Variants in RYR3 observed in about 807,000 individuals in gnomAD.
The protein encoded by RYR3 is brain ryanodine receptor-calcium release channel.
In RYR3, 207 loss-of-function variants were observed where a neutral mutation model predicts 584.3. The observed-to-expected ratio is 0.35, with a 90% CI of 0.32 to 0.40. The LOEUF is 0.40. Among genes scored for constraint, RYR3 ranks in the 10% least tolerant of loss-of-function variants. RYR3 has a pLI of 1.00. For synonymous variants in RYR3, 2,416 were observed against 2,248.5 expected, an observed-to-expected ratio of 1.07 and a Z score of -2.11; for missense variants, 5,616 against 6,089.2, an observed-to-expected ratio of 0.92 and a Z score of 2.59.
At chr15:33,545,951 C>T (rs1210006786) in intron 8 of RYR3, among the ~76,000 whole-genome samples, 1 of 152,166 alleles carries the variant, frequency 6.6e-6, no homozygotes, top group Admixed American at 6.5e-5. Flanking sequence ...GAGCTCTGAT[C>T]CTTGGCTTTG....
intron 43 of RYR3, among the ~76,000 whole-genome samples, chr15:33,711,514 A>G (rs1362935775): frequency 6.6e-6 from 1 of 152,092 alleles, no homozygotes; most frequent in African/African-American, 2.4e-5. Context: ...AAGTGCTGGG[A>G]TTATAGGCAT....
Position 33,311,693 on chromosome 15 carries a change from G to C in RYR3, c.51+597G>C, listed in dbSNP as rs529053178. ...GTTAAGCCCCACGCCGGCAACTGCT[G>C]CTGGAGCCTGACTTGACTGACTGCC... is the stretch of plus-strand genomic sequence containing the variant. On this transcript the variant is annotated intron_variant, in intron 1 of 103. Transcript: ENST00000634891. The surrounding 1 kb of genome is among the most constrained non-coding windows in gnomAD (Gnocchi z 4.4). Among the ~76,000 whole-genome samples, 1 of 152,352 alleles carries C rather than the reference G, an allele frequency of 6.6e-6. No individual in the cohort carries two copies. Among genetic ancestry groups the C allele is most frequent in the Admixed American group, 6.5e-5 (1 of 15,302 alleles).
chr15:33,600,869 T>C (rs139273895), intron 16 of RYR3, among the ~76,000 whole-genome samples: 135 of 152,274 alleles, frequency 8.9e-4, no homozygotes, highest in Non-Finnish European at 1.1e-3. Context: ...AGACCTGTAA[T>C]ATTTTATTTA....
chr15:33,341,043 T>G (rs1160325129), intron 1 of RYR3, among the ~76,000 whole-genome samples: 1 of 151,882 alleles, frequency 6.6e-6, no homozygotes, highest in Non-Finnish European at 1.5e-5. Flanking sequence ...GTGGACTTTG[T>G]TTTGTTTTGT....
chr15:33,796,958 C>A (rs565303134), intron 67 of RYR3, among the ~76,000 whole-genome samples: 1 of 152,238 alleles, frequency 6.6e-6, no homozygotes, highest in Admixed American at 6.5e-5. Context: ...TCTTTTATAG[C>A]AACGTGCATG....
chr15:33,550,097 A>G, intron 9 of RYR3, 63 bp from the exon 10 acceptor site: 1 of 1,528,648 alleles, frequency 6.5e-7, no homozygotes, highest in Non-Finnish European at 8.9e-7. Context: ...AAAGCATAGG[A>G]TAAATACTGA....
intron 38 of RYR3, among the ~76,000 whole-genome samples, chr15:33,682,080 A>G (rs1056395463): frequency 1.3e-5 from 2 of 152,222 alleles, no homozygotes; most frequent in African/African-American, 4.8e-5. Context: ...TTGGCATTGC[A>G]AAGCTGGTTA....
chr15:33,708,201 A>C (rs1446400162), intron 43 of RYR3, among the ~76,000 whole-genome samples: 1 of 152,256 alleles, frequency 6.6e-6, no homozygotes, highest in Non-Finnish European at 1.5e-5. Context: ...GTCCAGAATT[A>C]ACACGGAGTT....
intron 19 of RYR3, among the ~76,000 whole-genome samples, chr15:33,619,929 T>C (rs147863938): frequency 6.8e-4 from 104 of 152,298 alleles, no homozygotes; most frequent in African/African-American, 2.4e-3. Context: ...GTAGTTTTCT[T>C]AGCCTCAGGC....
intron 62 of RYR3, among the ~76,000 whole-genome samples, chr15:33,770,223 C>G (rs1387229859): frequency 6.6e-6 from 1 of 151,690 alleles, no homozygotes; most frequent in Non-Finnish European, 1.5e-5. Flanking sequence ...GAGTGGGACA[C>G]TAAAAGAGCG....
chr15:33,339,684 T>G (rs1485533785), intron 1 of RYR3, among the ~76,000 whole-genome samples: 2 of 152,006 alleles, frequency 1.3e-5, no homozygotes, highest in African/African-American at 4.8e-5. Flanking sequence ...GGTCAGGAGA[T>G]CCAGACCATC....
chr15:33,395,638 G>A (rs1295597182), intron 1 of RYR3, among the ~76,000 whole-genome samples: 1 of 152,170 alleles, frequency 6.6e-6, no homozygotes, highest in Non-Finnish European at 1.5e-5. Context: ...CTTCCACTGT[G>A]CCTGGAGCCC....
intron 32 of RYR3, among the ~76,000 whole-genome samples, chr15:33,656,892 C>A (rs1027745164): frequency 2.7e-5 from 4 of 147,460 alleles, no homozygotes; most frequent in Non-Finnish European, 6.1e-5. Context: ...CCTTTAGAAG[C>A]CTCATGCAAT....
chr15:33,757,639 T>A lies in RYR3; in HGVS notation c.8705+43T>A, dbSNP rs751115667. The A allele has an allele frequency of 9.4e-6, 15 of 1,591,150 alleles. No homozygotes were observed. The Admixed American group carries it at 2.5e-4, about 26-fold the overall frequency. On this transcript the variant is annotated intron_variant, in intron 60 of 103. Transcript: ENST00000634891. The stretch of plus-strand genomic sequence containing the variant: ...AGGGAAGGTGATGGTGCTGATGCAA[T>A]TTACTTAAAATGCCAGGTCCCTGTG...
rs1294930280 is a variant in RYR3, at chr15:33,630,031, C to T, written c.2771C>T (p.Thr924Ile). Reference protein sequence around the residue: ...TEKNYNLQMSTETLKTLLALG... With the variant: ...TEKNYNLQMSIETLKTLLALG... ...AAGAACTATAACCTGCAAATGTCAA[C>T]TGAAACCTTAAAGTGAGTATTTAAT... is the stretch of plus-strand genomic sequence containing the variant. The change falls in exon 22 of 104, where the codon ACT becomes ATT. Residue 924 changes from threonine (T) to isoleucine (I), a missense_variant. Around this residue, in one of 9 missense-constraint regions of RYR3, gnomAD observed 1,284 missense variants for 1,344.6 expected, o/e 0.95. Transcript: ENST00000634891. 1.9e-6 allele frequency: 3 copies of T among 1,587,814 alleles called. No homozygotes were observed. Among genetic ancestry groups the T allele is most frequent in the African/African-American group, 1.3e-5 (1 of 74,466 alleles).
chr15:33,566,670 G>A lies in RYR3; in HGVS notation c.1147-8G>A. The A allele has an allele frequency of 1.2e-6, 2 of 1,613,610 alleles. No individual in the cohort carries two copies. The highest frequency in any genetic ancestry group is 8.5e-7 in the Non-Finnish European group (1 of 1,179,596). ...ACCTAGAGCTCCCGTCCCTTGCCCT[G>A]TGGGTAGGTCATACTCCATCAGGAA... On this transcript the variant is annotated splice_region_variant and splice_polypyrimidine_tract_variant and intron_variant, in intron 11 of 103. Transcript: ENST00000634891.
intron 2 of RYR3, among the ~76,000 whole-genome samples, chr15:33,488,722 C>T (rs530934080): frequency 2.1e-4 from 32 of 152,160 alleles, no homozygotes; most frequent in Non-Finnish European, 4.7e-4. Flanking sequence ...CATGGTGACA[C>T]GTGCCTATAG....
In RYR3 at chr15:33,825,604, G is replaced by A. The variant is rs1385505896; in HGVS notation, c.11074G>A (p.Val3692Ile). Residue 3692 changes from valine to isoleucine, a missense_variant and splice_region_variant, in exon 82 of 104, where the codon GTC (valine) becomes ATC (isoleucine). Val to Ile is a conservative substitution (Grantham distance 29, BLOSUM62 3). Transcript: ENST00000634891. Reference sequence around the variant, plus strand: ...TTGTTTCTTTCTGTCTATTAAAAGTGTCCTTGATTTGAATGCATTTGAGAG... The same window carrying A: ...TTGTTTCTTTCTGTCTATTAAAAGTATCCTTGATTTGAATGCATTTGAGAG... ...SLSGLMQSCS[V>I]LDLNAFERQN... is the part of the protein sequence containing the mutation. The A allele has an allele frequency of 1.2e-6, 2 of 1,608,548 alleles. No homozygotes were observed. The highest frequency in any genetic ancestry group is 3.3e-5 in the Admixed American group (2 of 59,742).
In RYR3 at chr15:33,630,143, C is replaced by T. The variant is rs889632354; in HGVS notation, c.2783+100C>T. 3 of 643,626 alleles carry T rather than the reference C, an allele frequency of 4.7e-6. No individual in the cohort carries two copies. In the East Asian group the frequency reaches 8.4e-5, roughly 18 times the overall value. The allele number at this position is 643,626 out of a possible 1,614,324, so 39.9% of individuals were successfully genotyped here. On this transcript the variant is annotated intron_variant, in intron 22 of 103. Transcript: ENST00000634891. The stretch of plus-strand genomic sequence containing the variant: ...ATATGTCTCTTGCCTGAAAACGTGG[C>T]ACATTCTGATAAATTAGAGGAGATG...
Sources: gnomAD v4.1 joint callset for allele counts (sites outside exome capture counted in the v4.1 genomes callset) on GRCh38, gnomAD v4.1.1 for gene constraint, gnomAD v4.1.1 regional missense constraint, Gnocchi (gnomAD v3.1) non-coding constraint, MANE v1.5 for transcripts, NCBI Gene and HGNC (gene_info 2026-07-23, HGNC 2026-07-21) for gene names.